Variants in ARID5B observed in about 807,000 individuals in gnomAD.
ARID5B encodes the protein AT-rich interaction domain 5B.
ARID5B carries 13 observed loss-of-function variants against 97.2 expected under a neutral mutation model. The ratio of observed to expected loss-of-function variants is 0.13; its 90% CI spans 0.09 to 0.21. ARID5B has a LOEUF of 0.21. Among genes scored for constraint, ARID5B ranks in the 10% least tolerant of loss-of-function variants. The probability of loss-of-function intolerance (pLI) is 1.00; values close to 1 mark genes in which losing one functional copy is unlikely to be tolerated. For missense variants in ARID5B, 1,210 were observed against 1,465.3 expected (o/e 0.83, Z 2.84); for synonymous variants, 556 against 570.3 (o/e 0.97, Z 0.36).
intron 3 of ARID5B, among the ~76,000 whole-genome samples, chr10:61,949,891 C>G (rs888594650): frequency 1.3e-5 from 2 of 152,194 alleles, no homozygotes; most frequent in African/African-American, 4.8e-5. Flanking sequence ...TGGCTTCATA[C>G]AAGCTCATAA....
intron 2 of ARID5B, among the ~76,000 whole-genome samples, chr10:61,936,938 G>A (rs1844315739): frequency 6.6e-6 from 1 of 152,086 alleles, no homozygotes; most frequent in South Asian, 2.1e-4. Flanking sequence ...AAATTCCGGG[G>A]CTGGAATTTG....
intron 3 of ARID5B, among the ~76,000 whole-genome samples, chr10:61,958,911 G>T (rs1008100750): frequency 2.0e-5 from 3 of 152,208 alleles, no homozygotes; most frequent in Non-Finnish European, 4.4e-5. Flanking sequence ...GTTCTGAGGA[G>T]TTGAAGGCTC....
intron 3 of ARID5B, among the ~76,000 whole-genome samples, chr10:61,988,920 C>CT (rs893664496): frequency 1.9e-4 from 25 of 131,232 alleles, no homozygotes; most frequent in African/African-American, 5.8e-4. Flanking sequence ...CACTAGTAAT[C>CT]TTTTTTTTTC....
intron 4 of ARID5B, among the ~76,000 whole-genome samples, chr10:62,005,347 C>G (rs1428159081): frequency 6.6e-6 from 1 of 152,202 alleles, no homozygotes; most frequent in Non-Finnish European, 1.5e-5. Flanking sequence ...AGCCAACTTG[C>G]TGGACACAGA....
intron 3 of ARID5B, among the ~76,000 whole-genome samples, chr10:61,980,507 G>A (rs1240093292): frequency 1.3e-5 from 2 of 152,224 alleles, no homozygotes; most frequent in Non-Finnish European, 2.9e-5. Flanking sequence ...GAGGGGTGGG[G>A]AGGAGAGAAG....
chr10:62,053,521 A>T (rs981489695), intron 5 of ARID5B, among the ~76,000 whole-genome samples: 1 of 152,222 alleles, frequency 6.6e-6, no homozygotes, highest in African/African-American at 2.4e-5. Flanking sequence ...TTCTTTGAAG[A>T]TCTCATGACT....
At chr10:61,907,836 G>C (rs540943241) in intron 2 of ARID5B, among the ~76,000 whole-genome samples, 1 of 152,266 alleles carries the variant, frequency 6.6e-6, no homozygotes, top group Non-Finnish European at 1.5e-5. Flanking sequence ...CAACAGCAGA[G>C]TTGAGTTGTT....
rs938981411 is a variant in ARID5B at position 62,093,582 on chromosome 10, T to A, written c.*552T>A. The A allele has an allele frequency of 8.8e-6, 2 of 227,640 alleles. No individual in the cohort carries two copies. Among genetic ancestry groups the A allele is most frequent in the Non-Finnish European group, 1.7e-5 (2 of 115,066 alleles). 14.1% of individuals were successfully genotyped at this position (227,640 alleles called of 1,614,324 possible). ...ACTGTATATATTTGCTTCTTAAAAC[T>A]ACCTGTATCACTGTTTGCTCACCTA... is the stretch of plus-strand genomic sequence containing the variant. On this transcript the variant is annotated 3_prime_UTR_variant, in exon 10 of 10. Transcript: ENST00000279873.
intron 4 of ARID5B, among the ~76,000 whole-genome samples, chr10:62,011,066 T>C (rs1368386356): frequency 6.6e-6 from 1 of 152,232 alleles, no homozygotes; most frequent in Non-Finnish European, 1.5e-5. Context: ...CCAAGGATCC[T>C]TTATGGATCA....
At chr10:61,909,250 T>C (rs1843758035) in intron 2 of ARID5B, among the ~76,000 whole-genome samples, 1 of 151,802 alleles carries the variant, frequency 6.6e-6, no homozygotes, top group South Asian at 2.1e-4. Context: ...ATAGTGCTGT[T>C]CTCAGGAGCA....
intron 4 of ARID5B, among the ~76,000 whole-genome samples, chr10:62,021,058 ATATATATATATC>A (rs1365507653): frequency 4.6e-5 from 5 of 109,534 alleles, no homozygotes; most frequent in Admixed American, 2.9e-4. Flanking sequence ...ATATATATAT[ATATATATATATC>A]TCAGAAGATA....
At chr10:61,963,721 T>C (rs1838505713) in intron 3 of ARID5B, among the ~76,000 whole-genome samples, 1 of 152,044 alleles carries the variant, frequency 6.6e-6, no homozygotes, top group South Asian at 2.1e-4. Flanking sequence ...GGTGCATTCT[T>C]GATTTCTGTG....
intron 4 of ARID5B, among the ~76,000 whole-genome samples, chr10:62,040,031 T>G (rs1317246289): frequency 1.3e-5 from 2 of 152,232 alleles, no homozygotes; most frequent in Admixed American, 1.3e-4. Flanking sequence ...ATTCAGTTTG[T>G]ACTGGATGAT....
At chr10:62,043,443 C>G (rs536548634) in intron 4 of ARID5B, among the ~76,000 whole-genome samples, 2 of 152,172 alleles carry the variant, frequency 1.3e-5, no homozygotes, top group South Asian at 4.1e-4. Context: ...ATTTAAATAA[C>G]GTGATCATTT....
At chr10:61,990,096 C>T (rs1024852667) in intron 3 of ARID5B, among the ~76,000 whole-genome samples, 1 of 152,184 alleles carries the variant, frequency 6.6e-6, no homozygotes, top group Non-Finnish European at 1.5e-5. Context: ...GAGAGATTCA[C>T]CATTTTGAAG....
At chr10:62,056,881 T>G (rs1839863130) in intron 5 of ARID5B, among the ~76,000 whole-genome samples, 1 of 152,198 alleles carries the variant, frequency 6.6e-6, no homozygotes, top group Non-Finnish European at 1.5e-5. Flanking sequence ...ACAGAGACTG[T>G]ATGACCCAGA....
At chr10:61,926,498 G>A (rs1028649961) in intron 2 of ARID5B, among the ~76,000 whole-genome samples, 1 of 152,216 alleles carries the variant, frequency 6.6e-6, no homozygotes, top group East Asian at 1.9e-4. Context: ...TCGTAGACTA[G>A]TGTCTGTGTC....
At chr10:62,024,791 G>T (rs573315783) in intron 4 of ARID5B, 14 of 388,062 alleles carry the variant, frequency 3.6e-5, no homozygotes, top group Non-Finnish European at 5.0e-5. Flanking sequence ...CACTAGAGAC[G>T]AATGATCATC....
intron 4 of ARID5B, chr10:62,046,525 A>G (rs1313977973): frequency 6.6e-6 from 1 of 152,228 alleles, no homozygotes; most frequent in African/African-American, 2.4e-5. Flanking sequence ...AAAAGAAAAA[A>G]CAAACATGGG....
Sources: gnomAD v4.1 joint callset for allele counts (sites outside exome capture counted in the v4.1 genomes callset) on GRCh38, gnomAD v4.1.1 for gene constraint, MANE v1.5 for transcripts, NCBI Gene and HGNC (gene_info 2026-07-23, HGNC 2026-07-21) for gene names.